Variants in EVI5L observed in about 807,000 individuals in gnomAD.
The protein encoded by EVI5L is EVI5-like protein.
Under a neutral mutation model 106.1 loss-of-function variants are expected in EVI5L, and 30 were observed. The observed-to-expected ratio is 0.28, with a 90% CI of 0.21 to 0.38. EVI5L has a LOEUF of 0.38. Ranked by LOEUF, EVI5L falls within the 10% of genes least tolerant of loss-of-function variation. The probability of loss-of-function intolerance (pLI) is 1.00; values close to 1 mark genes in which losing one functional copy is unlikely to be tolerated. For synonymous variants in EVI5L, 489 were observed against 483.3 expected (o/e 1.01, Z -0.15); for missense variants, 809 against 1,098.0 (o/e 0.74, Z 3.72).
Position 7,863,760 on chromosome 19 carries a change from G to A in EVI5L, c.*58G>A, listed in dbSNP as rs1979981076. The A allele has an allele frequency of 7.0e-7, 1 of 1,421,150 alleles. No individual in the cohort carries two copies. Among genetic ancestry groups the A allele is most frequent in the East Asian group, 2.7e-5 (1 of 37,274 alleles). 88.0% of individuals were successfully genotyped at this position (1,421,150 alleles called of 1,614,324 possible). On this transcript the variant is annotated 3_prime_UTR_variant, in exon 20 of 20. Coordinates refer to ENST00000538904, the MANE Select transcript of EVI5L (RefSeq NM_001159944.3). The surrounding 1 kb of genome is among the most constrained non-coding windows in gnomAD (Gnocchi z 7.7). ...CGCAGCCGCGGGGGGCGCCCGGGCA[G>A]TCCGCGTTCTGCTCCCCACCTGCCG...
chr19:7,847,045 A>C (rs528229116), intron 2 of EVI5L, among the ~76,000 whole-genome samples: 3 of 152,208 alleles, frequency 2.0e-5, no homozygotes, highest in Non-Finnish European at 4.4e-5. Context: ...ACCACCGAAC[A>C]CTTTGGGAGG....
At chr19:7,851,104 C>T (rs1157028545) in intron 6 of EVI5L, among the ~76,000 whole-genome samples, 1 of 152,076 alleles carries the variant, frequency 6.6e-6, no homozygotes, top group African/African-American at 2.4e-5. Flanking sequence ...TGGGGAGTGA[C>T]CCAACTCCCC....
rs1398398500 is a variant in EVI5L, at chr19:7,850,122, G to A, written c.753G>A (p.Gln251=). 6.2e-7 allele frequency: 1 copy of A among 1,602,488 alleles called. No individual in the cohort carries two copies. Among genetic ancestry groups the A allele is most frequent in the Non-Finnish European group, 8.5e-7 (1 of 1,175,062 alleles). Residue 251 remains glutamine (Q), a splice_region_variant and synonymous_variant, in exon 6 of 20, where the codon CAG becomes CAA. Transcript: ENST00000538904. The surrounding 1 kb of genome is among the most constrained non-coding windows in gnomAD (Gnocchi z 5.4). ...TCTATCAGTTCGAGTACATGCTGCAGGTGAGCAGGGCCGCAGGAGAGCAGG... is the reference window on the plus strand; with the variant it reads ...TCTATCAGTTCGAGTACATGCTGCAAGTGAGCAGGGCCGCAGGAGAGCAGG... The part of the protein sequence containing the change: ...LCIYQFEYML[Q]EQLPDLNTHF...
chr19:7,849,451 C>A, intron 5 of EVI5L, 121 bp downstream of exon 5: 1 of 1,068,082 alleles, frequency 9.4e-7, no homozygotes, highest in South Asian at 1.5e-5. Context: ...GTAGATCCTC[C>A]TTCTCCATCC....
chr19:7,832,494 G>A (rs987335002), intron 1 of EVI5L, among the ~76,000 whole-genome samples: 1 of 152,164 alleles, frequency 6.6e-6, no homozygotes, highest in African/African-American at 2.4e-5. Flanking sequence ...ACTGGGGTGC[G>A]GGGAGAGCGG....
At chr19:7,841,351 G>A (rs1208130148) in intron 1 of EVI5L, among the ~76,000 whole-genome samples, 1 of 152,140 alleles carries the variant, frequency 6.6e-6, no homozygotes, top group African/African-American at 2.4e-5. Flanking sequence ...CCACGTGGGA[G>A]AATGAGAAGT....
chr19:7,846,424 G>C (rs1236280937), intron 1 of EVI5L, 72 bp from the exon 2 acceptor site: 1 of 1,385,624 alleles, frequency 7.2e-7, no homozygotes, highest in African/African-American at 1.5e-5. Flanking sequence ...GTGAGGAAAT[G>C]TCCCGAGGGT....
chr19:7,850,677 T>A lies in EVI5L; in HGVS notation c.753+555T>A, dbSNP rs1979201475. 6.6e-6 allele frequency among the ~76,000 whole-genome samples: 1 copy of A among 152,058 alleles called. No homozygotes were observed. Among genetic ancestry groups the A allele is most frequent in the African/African-American group, 2.4e-5 (1 of 41,394 alleles). ...GCAGGTGGGGCTGTGCAGTCATCCC[T>A]GGATGTGACAGCCCCACTCCCTGGG... is the stretch of plus-strand genomic sequence containing the variant. On this transcript the variant is annotated intron_variant, in intron 6 of 19. Coordinates refer to ENST00000538904, the MANE Select transcript of EVI5L (RefSeq NM_001159944.3). The surrounding 1 kb of genome is among the most constrained non-coding windows in gnomAD (Gnocchi z 5.4).
At chr19:7,860,473 G>T in intron 13 of EVI5L, 88 bp from the exon 14 acceptor site, 1 of 1,202,410 alleles carries the variant, frequency 8.3e-7, no homozygotes, top group South Asian at 1.5e-5. Context: ...GAAGGGCTCT[G>T]GGGAGGCGGG....
rs1397175209 is a variant in EVI5L at position 7,856,022 on chromosome 19, G to A, written c.1154G>A (p.Arg385Gln). Residue 385 changes from arginine to glutamine, a missense_variant, in exon 11 of 20, where the codon CGG becomes CAG. Transcript: ENST00000538904. This position sits in a 1 kb window ranked among gnomAD's most constrained non-coding sequence, Gnocchi z 6.6. ...CTCCCCCCACCCCCATAGAGACTTC[G>A]GACGGAGAACCGGCTCCTGAAACAG... ...MEEQIEIKRLRTENRLLKQRI... is the reference protein window; with the variant it reads ...MEEQIEIKRLQTENRLLKQRI... 4.5e-6 allele frequency: 6 copies of A among 1,327,988 alleles called. No individual in the cohort carries two copies. Among genetic ancestry groups the A allele is most frequent in the Non-Finnish European group, 5.8e-6 (6 of 1,029,218 alleles). 82.3% of individuals were successfully genotyped at this position (1,327,988 alleles called of 1,614,324 possible).
chr19:7,853,310 A>G lies in EVI5L; in HGVS notation c.1123A>G (p.Met375Val), dbSNP rs1347506877. 1.4e-5 allele frequency: 23 copies of G among 1,612,812 alleles called. No individual in the cohort carries two copies. The highest frequency in any genetic ancestry group is 1.9e-5 in the Non-Finnish European group (23 of 1,179,550). ...GTACGCAGCCATGAAGAGCAAGGAG[A>G]TGGAGGAGCAGATCGAGATCAAAGT... is the stretch of plus-strand genomic sequence containing the variant. ...KEYAAMKSKE[M>V]EEQIEIKRLR... The change falls in exon 10 of 20, where the codon ATG (methionine) becomes GTG (valine). Residue 375 changes from methionine to valine, a missense_variant. Transcript: ENST00000538904.
chr19:7,832,997 T>G (rs1209813850), intron 1 of EVI5L, among the ~76,000 whole-genome samples: 1 of 152,134 alleles, frequency 6.6e-6, no homozygotes, highest in Non-Finnish European at 1.5e-5. Context: ...AACTAAACTC[T>G]ACAGCCTCCC....
At chr19:7,846,199 T>C (rs1412399743) in intron 1 of EVI5L, among the ~76,000 whole-genome samples, 1 of 152,028 alleles carries the variant, frequency 6.6e-6, no homozygotes, top group Non-Finnish European at 1.5e-5. Flanking sequence ...GGGTGTCGAG[T>C]TGAGCCTTGG....
At chr19:7,847,227 C>T (rs1272699585) in intron 2 of EVI5L, among the ~76,000 whole-genome samples, 2 of 151,868 alleles carry the variant, frequency 1.3e-5, no homozygotes, top group African/African-American at 2.4e-5. Context: ...GGGAGGCGGA[C>T]GCTGCAGTGA....
At position 7,853,066 on chromosome 19, in the gene EVI5L, G is replaced by C. The variant is rs376219402; in HGVS notation, c.988-20G>C. The C allele has an allele frequency of 6.2e-7, 1 of 1,613,214 alleles. No individual in the cohort carries two copies. On this transcript the variant is annotated intron_variant, in intron 8 of 19. Transcript: ENST00000538904. The stretch of plus-strand genomic sequence containing the variant: ...AGGGCCTGCATGTTGGTGACCAGGT[G>C]ACCGGCTGTGTCCCCACAGTACTTC...
chr19:7,854,778 C>G (rs1415649883), intron 10 of EVI5L, among the ~76,000 whole-genome samples: 2 of 152,214 alleles, frequency 1.3e-5, no homozygotes, highest in African/African-American at 4.8e-5. Flanking sequence ...CCCAGCTGAA[C>G]TGAGGGACTA....
rs1330848163 is a variant in EVI5L at position 7,845,510 on chromosome 19, T to G, written c.-47-986T>G. On this transcript the variant is annotated intron_variant, in intron 1 of 19. Transcript: ENST00000538904. This position sits in a 1 kb window ranked among gnomAD's most constrained non-coding sequence, Gnocchi z 4.0. ...GTGTCAGGCTCTGTTCTGACCAGGT[T>G]ATGTGCAGTCATGTGCTCAGTTTCC... 6.6e-6 allele frequency among the ~76,000 whole-genome samples: 1 copy of G among 152,142 alleles called. No homozygotes were observed. The highest frequency in any genetic ancestry group is 1.9e-4 in the East Asian group (1 of 5,188).
Position 7,863,537 on chromosome 19 carries a change from T to G in EVI5L, c.2253T>G (p.Leu751=), listed in dbSNP as rs1271765412. The change falls in exon 20 of 20, where the codon CTT becomes CTG. Residue 751 remains leucine, a synonymous_variant. Transcript: ENST00000538904. The surrounding 1 kb of genome is among the most constrained non-coding windows in gnomAD (Gnocchi z 7.7). The part of the protein sequence containing the change: ...DSLPSSDEEL[L]GVGVGAALQD... ...TGCCGTCGTCGGACGAGGAGCTACT[T>G]GGCGTAGGCGTGGGCGCTGCCCTGC... The G allele has an allele frequency of 6.3e-7, 1 of 1,599,414 alleles. No individual in the cohort carries two copies. The highest frequency in any genetic ancestry group is 2.3e-5 in the East Asian group (1 of 44,072).
At chr19:7,854,648 C>T (rs1761814543) in intron 10 of EVI5L, among the ~76,000 whole-genome samples, 1 of 152,180 alleles carries the variant, frequency 6.6e-6, no homozygotes, top group Non-Finnish European at 1.5e-5. Flanking sequence ...CCAGCTCCTG[C>T]AAGGATGGCT....
Sources: allele counts gnomAD v4.1 joint callset (sites outside exome capture counted in the v4.1 genomes callset), GRCh38; gene constraint gnomAD v4.1.1; non-coding constraint Gnocchi (gnomAD v3.1); transcripts MANE v1.5; gene names NCBI Gene and HGNC (gene_info 2026-07-23, HGNC 2026-07-21).